The following ANO3 variants were observed in gnomAD, a reference collection of about 807,000 sequenced individuals.
ANO3 encodes the protein anoctamin-3.
ANO3 carries 99 observed loss-of-function variants against 144.8 expected under a neutral mutation model. The ratio of observed to expected loss-of-function variants is 0.68; its 90% CI spans 0.58 to 0.81. ANO3 has a LOEUF of 0.81. Among genes scored for constraint, ANO3 ranks in the 30% least tolerant of loss-of-function variants. The probability of loss-of-function intolerance (pLI) is 0.00; values close to 1 mark genes in which losing one functional copy is unlikely to be tolerated. For synonymous variants in ANO3, 414 were observed against 392.6 expected (o/e 1.05, Z -0.64); for missense variants, 905 against 1,202.2 (o/e 0.75, Z 3.66).
chr11:26,264,486 G>A (rs574694524), intron 1 of ANO3, among the ~76,000 whole-genome samples: 70 of 152,292 alleles, frequency 4.6e-4, no homozygotes, highest in African/African-American at 1.7e-3. Context: ...AAGTGATGAT[G>A]TGAGAATCTT....
intron 1 of ANO3, among the ~76,000 whole-genome samples, chr11:26,214,629 G>C (rs1852001005): frequency 1.3e-5 from 2 of 151,848 alleles, no homozygotes; most frequent in African/African-American, 4.8e-5. Flanking sequence ...AACAGATTTA[G>C]GTTTACAGAA....
intron 5 of ANO3, among the ~76,000 whole-genome samples, chr11:26,513,173 G>A (rs1394117779): frequency 1.3e-5 from 2 of 152,176 alleles, no homozygotes; most frequent in African/African-American, 4.8e-5. Flanking sequence ...TAGCAGAGGA[G>A]GTATGGGATA....
chr11:26,350,622 CATATTTTAGTT>C (rs1449998698), intron 1 of ANO3, among the ~76,000 whole-genome samples: 2 of 151,794 alleles, frequency 1.3e-5, no homozygotes, highest in Non-Finnish European at 2.9e-5. Flanking sequence ...TTAAAGTTTC[CATATTTTAGTT>C]ATATATATTT....
intron 1 of ANO3, among the ~76,000 whole-genome samples, chr11:26,419,742 A>C (rs1324000672): frequency 1.3e-5 from 2 of 152,136 alleles, no homozygotes. Flanking sequence ...TTAAGAGAAC[A>C]TATAGCAAGG....
At chr11:26,208,512 C>CAAAAAAAAAAAAAAA (rs67196052) in intron 1 of ANO3, among the ~76,000 whole-genome samples, 6 of 121,682 alleles carry the variant, frequency 4.9e-5, no homozygotes, top group African/African-American at 2.1e-4. Flanking sequence ...GACTCCGTCT[C>CAAAAAAAAAAAAAAA]AAAAAAAAAA....
chr11:26,660,306 A>T lies in ANO3; in HGVS notation c.2808A>T (p.Pro936=). The T allele has an allele frequency of 6.2e-7, 1 of 1,613,408 alleles. No individual in the cohort carries two copies. Among genetic ancestry groups the T allele is most frequent in the Non-Finnish European group, 8.5e-7 (1 of 1,179,604 alleles). Reference sequence around the variant, plus strand: ...AGTCATTCATCGCATACCTGATTCCAGACGTACCAAAGGGTCTACATGACC... The same window carrying T: ...AGTCATTCATCGCATACCTGATTCCTGACGTACCAAAGGGTCTACATGACC... ...GIKSFIAYLI[P]DVPKGLHDRI... is the part of the protein sequence containing the mutation. Residue 936 remains proline, a synonymous_variant, in exon 27 of 27, where the codon CCA becomes CCT. Coordinates refer to ENST00000256737, the MANE Select transcript of ANO3 (RefSeq NM_031418.4).
At position 26,583,489 on chromosome 11, in the gene ANO3, C is replaced by G. The variant is rs61878561; in HGVS notation, c.1448-14876C>G. ...ATATTGCGCTGTGTCAAATACAGTTCGGTCCAAATGTTCAAAATCTGCCGC... is the reference window on the plus strand; with the variant it reads ...ATATTGCGCTGTGTCAAATACAGTTGGGTCCAAATGTTCAAAATCTGCCGC... On this transcript the variant is annotated intron_variant, in intron 14 of 26. Coordinates refer to ENST00000256737, the MANE Select transcript of ANO3 (RefSeq NM_031418.4). 7.9e-3 allele frequency among the ~76,000 whole-genome samples: 1,196 copies of G among 152,124 alleles called. 28 individuals carry two copies. The highest frequency in any genetic ancestry group is 0.028 in the African/African-American group (1,167 of 41,448).
At chr11:26,413,291 A>G (rs1857482200) in intron 1 of ANO3, among the ~76,000 whole-genome samples, 1 of 151,878 alleles carries the variant, frequency 6.6e-6, no homozygotes, top group Non-Finnish European at 1.5e-5. Context: ...TAGGTGCTTC[A>G]CTAAAGACAT....
chr11:26,317,131 C>T (rs1197347967), intron 1 of ANO3, among the ~76,000 whole-genome samples: 2 of 151,958 alleles, frequency 1.3e-5, no homozygotes, highest in Non-Finnish European at 2.9e-5. Context: ...AGCACACTGT[C>T]GTAGCTAGTC....
intron 7 of ANO3, among the ~76,000 whole-genome samples, chr11:26,530,688 G>A (rs1052997976): frequency 5.9e-5 from 9 of 151,508 alleles, no homozygotes; most frequent in African/African-American, 2.2e-4. Flanking sequence ...GTGAAGCCTC[G>A]TCTCTACCAA....
chr11:26,196,472 G>C (rs530080512), intron 1 of ANO3, among the ~76,000 whole-genome samples: 124 of 152,068 alleles, frequency 8.2e-4, no homozygotes, highest in African/African-American at 2.7e-3. Context: ...CCATCATGAA[G>C]CCATTTCTCA....
rs371437948 is a variant in ANO3, at chr11:26,427,250, C to T, written c.47-14668C>T. Reference sequence around the variant, plus strand: ...CAGCATGAAATTGGAAATCCAGGATCCTAGGAACACCCCATCCACCTGTAT... The same window carrying T: ...CAGCATGAAATTGGAAATCCAGGATTCTAGGAACACCCCATCCACCTGTAT... On this transcript the variant is annotated intron_variant, in intron 1 of 26. Coordinates refer to ENST00000256737, the MANE Select transcript of ANO3 (RefSeq NM_031418.4). 372 of 167,154 alleles carry T rather than the reference C, an allele frequency of 2.2e-3. 1 individual carries two copies. The highest frequency in any genetic ancestry group is 2.6e-3 in the Non-Finnish European group (195 of 75,414). 10.4% of individuals were successfully genotyped at this position (167,154 alleles called of 1,614,324 possible).
intron 4 of ANO3, among the ~76,000 whole-genome samples, chr11:26,500,870 G>C (rs2134123690): frequency 6.6e-6 from 1 of 152,098 alleles, no homozygotes; most frequent in East Asian, 1.9e-4. Flanking sequence ...GGAGGAAACA[G>C]TTGTAGCTGT....
chr11:26,624,213 T>C (rs779674306), intron 17 of ANO3, among the ~76,000 whole-genome samples: 7 of 152,058 alleles, frequency 4.6e-5, no homozygotes, highest in Non-Finnish European at 1.0e-4. Flanking sequence ...AGACTCGTTA[T>C]TACAGATTAC....
chr11:26,229,007 T>A (rs920450540), intron 1 of ANO3, among the ~76,000 whole-genome samples: 2 of 152,214 alleles, frequency 1.3e-5, no homozygotes, highest in African/African-American at 4.8e-5. Context: ...AACTGCCATT[T>A]CCGTTCTAAG....
At chr11:26,521,982 A>G (rs1458891190) in intron 6 of ANO3, among the ~76,000 whole-genome samples, 1 of 152,194 alleles carries the variant, frequency 6.6e-6, no homozygotes, top group Non-Finnish European at 1.5e-5. Context: ...CAGGAGATGG[A>G]GACCATCCTG....
chr11:26,298,879 A>G (rs1294960801), intron 1 of ANO3, among the ~76,000 whole-genome samples: 2 of 152,182 alleles, frequency 1.3e-5, no homozygotes, highest in African/African-American at 4.8e-5. Context: ...CAAAATAATG[A>G]CTGAATACAG....
At chr11:26,505,395 C>G (rs759801883) in intron 4 of ANO3, among the ~76,000 whole-genome samples, 15 of 152,014 alleles carry the variant, frequency 9.9e-5, no homozygotes, top group Non-Finnish European at 2.1e-4. Flanking sequence ...GTGAAGAAAT[C>G]AAGAAGGCAG....
chr11:26,430,008 C>T (rs145246972), intron 1 of ANO3, among the ~76,000 whole-genome samples: 1 of 151,982 alleles, frequency 6.6e-6, no homozygotes, highest in Admixed American at 6.6e-5. Context: ...GAGGCCAAAG[C>T]GGGGAGATCT....
Sources: gnomAD v4.1 joint callset for allele counts (sites outside exome capture counted in the v4.1 genomes callset) on GRCh38, gnomAD v4.1.1 for gene constraint, MANE v1.5 for transcripts, NCBI Gene and HGNC (gene_info 2026-07-23, HGNC 2026-07-21) for gene names.